The following SLC26A7 variants were observed in gnomAD, a reference collection of about 807,000 sequenced individuals.
SLC26A7 encodes solute carrier family 26 member 7.
Under a neutral mutation model 82.5 loss-of-function variants are expected in SLC26A7, and 59 were observed. That is an observed-to-expected ratio of 0.72 (90% CI 0.58 to 0.89). SLC26A7 has a LOEUF of 0.89. SLC26A7 is among the 40% of genes least tolerant of loss of function. SLC26A7 has a pLI of 0.00. For missense variants in SLC26A7, 820 were observed against 793.0 expected, an observed-to-expected ratio of 1.03 and a Z score of -0.41; for synonymous variants, 271 against 274.3, an observed-to-expected ratio of 0.99 and a Z score of 0.12.
chr8:91,334,165 T>C (rs1813173998), intron 5 of SLC26A7, 130 bp from the exon 6 acceptor site: 2 of 822,442 alleles, frequency 2.4e-6, no homozygotes, highest in Non-Finnish European at 3.7e-6. Flanking sequence ...CCCGCCTACC[T>C]ATATCTTTCC....
At chr8:91,212,054 T>C (rs1704164203) in intron 1 of SLC26A7, among the ~76,000 whole-genome samples, 1 of 152,168 alleles carries the variant, frequency 6.6e-6, no homozygotes, top group South Asian at 2.1e-4. Context: ...TTTTTCTAAA[T>C]GCTATAGTTC....
rs141915141 is a variant in SLC26A7 at position 91,212,774 on chromosome 8, A to G, written c.-150+3232A>G. On this transcript the variant is annotated intron_variant, in intron 1 of 5. Coordinates refer to the SLC26A7 transcript ENST00000522862. Reference sequence around the variant, plus strand: ...TACATTAGGTACTAAGAGGATCAGAAAGCATCACATTTCTAATTCTAAACA... The same window carrying G: ...TACATTAGGTACTAAGAGGATCAGAGAGCATCACATTTCTAATTCTAAACA... Among the ~76,000 whole-genome samples the G allele has an allele frequency of 4.2e-3, 647 of 152,322 alleles. 8 individuals carry two copies. Among genetic ancestry groups the G allele is most frequent in the African/African-American group, 0.015 (629 of 41,572 alleles).
At chr8:91,257,073 T>C (rs1371059483) in intron 2 of SLC26A7, among the ~76,000 whole-genome samples, 1 of 152,056 alleles carries the variant, frequency 6.6e-6, no homozygotes, top group Non-Finnish European at 1.5e-5. Context: ...TCACCTGCCT[T>C]GATAAAATAA....
intron 2 of SLC26A7, among the ~76,000 whole-genome samples, chr8:91,279,083 A>G (rs1811483852): frequency 1.4e-5 from 2 of 143,880 alleles, no homozygotes; most frequent in Admixed American, 1.4e-4. Flanking sequence ...GGATCCCCTT[A>G]TTTTAAGGCT....
chr8:91,344,149 C>A (rs1415136617), intron 9 of SLC26A7: 4 of 985,220 alleles, frequency 4.1e-6, no homozygotes, highest in Non-Finnish European at 4.8e-6. Flanking sequence ...TATAAATGAA[C>A]TTGTTTAATC....
intron 2 of SLC26A7, among the ~76,000 whole-genome samples, chr8:91,220,072 C>T (rs1810133499): frequency 6.6e-6 from 1 of 152,014 alleles, no homozygotes; most frequent in African/African-American, 2.4e-5. Context: ...TCAGAGTTGC[C>T]TCTGGCATAA....
chr8:91,349,511 A>G (rs1189173290), intron 9 of SLC26A7, among the ~76,000 whole-genome samples: 4 of 152,154 alleles, frequency 2.6e-5, no homozygotes, highest in Non-Finnish European at 5.9e-5. Flanking sequence ...TTAGGTTGTA[A>G]TTTCTATAAC....
chr8:91,389,702 G>C (rs1416296546), intron 16 of SLC26A7, among the ~76,000 whole-genome samples: 1 of 152,138 alleles, frequency 6.6e-6, no homozygotes, highest in African/African-American at 2.4e-5. Flanking sequence ...ACATAGACTT[G>C]AGATACAGTG....
At chr8:91,288,165 T>C (rs1811760572) in intron 2 of SLC26A7, among the ~76,000 whole-genome samples, 1 of 152,196 alleles carries the variant, frequency 6.6e-6, no homozygotes, top group African/African-American at 2.4e-5. Flanking sequence ...ATATTATTGA[T>C]ATTAGAATCA....
intron 15 of SLC26A7, among the ~76,000 whole-genome samples, chr8:91,387,747 T>C (rs1440221632): frequency 6.6e-6 from 1 of 152,244 alleles, no homozygotes; most frequent in Non-Finnish European, 1.5e-5. Flanking sequence ...TTTAATCATG[T>C]CATTTATATA....
At chr8:91,252,626 C>T (rs1382008347) in intron 2 of SLC26A7, among the ~76,000 whole-genome samples, 5 of 152,178 alleles carry the variant, frequency 3.3e-5, no homozygotes, top group East Asian at 1.9e-4. Context: ...ATAAAAGATG[C>T]TAATCACCCC....
At position 91,395,343 on chromosome 8, in the gene SLC26A7, C is replaced by T; in HGVS notation, c.*246C>T. 1.2e-6 allele frequency: 1 copy of T among 847,536 alleles called. No individual in the cohort carries two copies. Among genetic ancestry groups the T allele is most frequent in the Non-Finnish European group, 1.6e-6 (1 of 627,024 alleles). The allele number at this position is 847,536 out of a possible 1,614,324, so 52.5% of individuals were successfully genotyped here. A position where few individuals can be genotyped will look rare whatever the true frequency, so the allele number is the denominator to read the frequency against. On this transcript the variant is annotated 3_prime_UTR_variant, in exon 19 of 19. Transcript: ENST00000276609. Reference sequence around the variant, plus strand: ...TCAGTATGTGTTTAGTTTTAGTGTACTGAAGGGTAAACATGGTTTTATTTT... The same window carrying T: ...TCAGTATGTGTTTAGTTTTAGTGTATTGAAGGGTAAACATGGTTTTATTTT...
chr8:91,259,274 A>G (rs752377770), intron 2 of SLC26A7, among the ~76,000 whole-genome samples: 3 of 152,040 alleles, frequency 2.0e-5, no homozygotes, highest in African/African-American at 4.8e-5. Context: ...TGCACCCTTT[A>G]TATGGACATG....
intron 18 of SLC26A7, 132 bp from the exon 19 acceptor site, chr8:91,394,930 A>T: frequency 9.4e-7 from 1 of 1,067,138 alleles, no homozygotes; most frequent in Non-Finnish European, 1.4e-6. Flanking sequence ...CTCTACTCTG[A>T]TGCCTCATAA....
chr8:91,232,535 A>T (rs1810323638), intron 2 of SLC26A7, among the ~76,000 whole-genome samples: 1 of 152,250 alleles, frequency 6.6e-6, no homozygotes, highest in Non-Finnish European at 1.5e-5. Context: ...TGTGCCCCAT[A>T]ACCAGTGTTT....
chr8:91,251,356 G>C (rs1810651733), intron 2 of SLC26A7, among the ~76,000 whole-genome samples: 1 of 152,020 alleles, frequency 6.6e-6, no homozygotes, highest in African/African-American at 2.4e-5. Context: ...CAAGACTGAT[G>C]AGAAGCACAA....
intron 9 of SLC26A7, among the ~76,000 whole-genome samples, chr8:91,344,970 T>G (rs1294415092): frequency 2.0e-5 from 3 of 151,166 alleles, no homozygotes; most frequent in Non-Finnish European, 4.4e-5. Flanking sequence ...TTTGGCAGAG[T>G]CTTGCTCTGT....
chr8:91,390,061 T>C (rs939770715), intron 16 of SLC26A7, among the ~76,000 whole-genome samples: 1 of 151,910 alleles, frequency 6.6e-6, no homozygotes, highest in African/African-American at 2.4e-5. Flanking sequence ...ATTTTGCCAA[T>C]TCACAGAAAA....
At chr8:91,355,329 A>G (rs1813832614) in intron 11 of SLC26A7, among the ~76,000 whole-genome samples, 1 of 152,128 alleles carries the variant, frequency 6.6e-6, no homozygotes, top group African/African-American at 2.4e-5. Flanking sequence ...GGAATTATTT[A>G]CAAATTTTTT....
Sources: gnomAD v4.1 joint callset for allele counts (sites outside exome capture counted in the v4.1 genomes callset) on GRCh38, gnomAD v4.1.1 for gene constraint, MANE v1.5 for transcripts, NCBI Gene and HGNC (gene_info 2026-07-23, HGNC 2026-07-21) for gene names.